ANOS1: variants seen among roughly 807,000 people sequenced by gnomAD.
The protein encoded by ANOS1 is anosmin-1.
A neutral mutation model predicts 59.0 loss-of-function variants in ANOS1; 6 were observed. That is an observed-to-expected ratio of 0.10 (90% CI 0.06 to 0.20). ANOS1 has a LOEUF of 0.20. Among genes scored for constraint, ANOS1 ranks in the 10% least tolerant of loss-of-function variants. The probability of loss-of-function intolerance (pLI) is 1.00; values close to 1 mark genes in which losing one functional copy is unlikely to be tolerated. For synonymous variants in ANOS1, 217 were observed against 223.4 expected (o/e 0.97, Z 0.25); for missense variants, 433 against 542.3 (o/e 0.80, Z 2.00).
At chrX:8,643,713 T>G (rs1435285137) in intron 2 of ANOS1, among the ~76,000 whole-genome samples, 1 of 111,918 alleles carries the variant, frequency 8.9e-6, no homozygotes, top group African/African-American at 3.2e-5. Flanking sequence ...TTAAAGGGTC[T>G]GAATAGGAAA....
At chrX:8,548,965 T>C (rs1842586261) in intron 9 of ANOS1, among the ~76,000 whole-genome samples, 1 of 111,891 alleles carries the variant, frequency 8.9e-6, no homozygotes, top group Non-Finnish European at 1.9e-5. Context: ...GAGGCTAGTT[T>C]ACCTCCGTCA....
At chrX:8,549,544 G>C (rs1929823678) in intron 9 of ANOS1, among the ~76,000 whole-genome samples, 1 of 112,385 alleles carries the variant, frequency 8.9e-6, no homozygotes. Context: ...AAAACATTGA[G>C]AGTCAGTCCT....
intron 6 of ANOS1, among the ~76,000 whole-genome samples, chrX:8,574,337 C>T (rs1435518896): frequency 9.2e-6 from 1 of 109,284 alleles, no homozygotes; most frequent in African/African-American, 3.3e-5. Flanking sequence ...ATGATTATGC[C>T]TTGCTTTATT....
At position 8,570,599 on chromosome X, in the gene ANOS1, G is replaced by A. The variant is rs1414831170; in HGVS notation, c.962C>T (p.Pro321Leu). The A allele has an allele frequency of 1.2e-5, 14 of 1,208,563 alleles. No individual in the cohort carries two copies. The highest frequency in any genetic ancestry group is 8.8e-5 in the South Asian group (5 of 56,649). ...VTIVWDLPEEPDIPVHHYKVF... is the reference protein window; with the variant it reads ...VTIVWDLPEELDIPVHHYKVF... The stretch of plus-strand genomic sequence containing the variant: ...CTTGTAATGATGCACAGGGATGTCC[G>A]GCTCCTCGGGGAGATCCCAAACTAT... The change falls in exon 7 of 14, where the codon CCG (proline) becomes CTG (leucine). Residue 321 changes from proline to leucine, a missense_variant. Transcript: ENST00000262648.
intron 2 of ANOS1, among the ~76,000 whole-genome samples, chrX:8,628,823 T>C (rs967416349): frequency 2.7e-5 from 3 of 112,441 alleles, no homozygotes; most frequent in South Asian, 3.6e-4. Context: ...GCTAATCGCA[T>C]ATGTCATCGT....
Position 8,671,001 on chromosome X carries a change from G to C in ANOS1, c.255+28697C>G, listed in dbSNP as rs142844697. On this transcript the variant is annotated intron_variant, in intron 2 of 13. Coordinates refer to ENST00000262648, the MANE Select transcript of ANOS1 (RefSeq NM_000216.4). ...CCCTGCCTTCACTGCAGCCTCACCTGAGTGAGCTACCCACCTCTTCTGTCT... is the reference window on the plus strand; with the variant it reads ...CCCTGCCTTCACTGCAGCCTCACCTCAGTGAGCTACCCACCTCTTCTGTCT... Among the ~76,000 whole-genome samples the C allele has an allele frequency of 3.3e-3, 371 of 111,145 alleles. 1 individual carries two copies. Among genetic ancestry groups the C allele is most frequent in the African/African-American group, 0.011 (340 of 30,561 alleles).
At chrX:8,699,061 A>C in intron 2 of ANOS1, among the ~76,000 whole-genome samples, 1 of 111,726 alleles carries the variant, frequency 9.0e-6, no homozygotes, top group Non-Finnish European at 1.9e-5. Context: ...ACTCATTTAC[A>C]TAACCTGATT....
chrX:8,670,635 T>C (rs1932239577), intron 2 of ANOS1, among the ~76,000 whole-genome samples: 3 of 111,710 alleles, frequency 2.7e-5, no homozygotes, highest in Non-Finnish European at 5.6e-5. Context: ...TAGATGGCCA[T>C]AAATACCATG....
chrX:8,710,314 T>C (rs1448623005), intron 1 of ANOS1, among the ~76,000 whole-genome samples: 1 of 112,028 alleles, frequency 8.9e-6, no homozygotes, highest in Non-Finnish European at 1.9e-5. Flanking sequence ...CAGAGCTCTC[T>C]GAGAACTTCT....
At chrX:8,588,435 G>C (rs1485713546) in intron 4 of ANOS1, among the ~76,000 whole-genome samples, 1 of 110,709 alleles carries the variant, frequency 9.0e-6, no homozygotes, top group Non-Finnish European at 1.9e-5. Context: ...ATTATAACAT[G>C]GTTTCCAGAT....
intron 2 of ANOS1, among the ~76,000 whole-genome samples, chrX:8,659,115 T>C (rs1207535421): frequency 1.1e-4 from 12 of 110,478 alleles, no homozygotes; most frequent in African/African-American, 4.0e-4. Flanking sequence ...TAATCCCAGC[T>C]ACTCAGGAGG....
intron 9 of ANOS1, among the ~76,000 whole-genome samples, chrX:8,541,446 C>CAA (rs770726780): frequency 0.12 from 10,998 of 90,887 alleles, 729 homozygotes; most frequent in Non-Finnish European, 0.16. Context: ...AAAAATAAAA[C>CAA]AAAAAAAAAA....
rs1284432731 is a variant in ANOS1 at position 8,539,726 on chromosome X, A to G, written c.1387T>C (p.Phe463Leu). ...PTVNRYHVRWFPEACAHNRTT... is the reference protein window; with the variant it reads ...PTVNRYHVRWLPEACAHNRTT... ...CTGTTGTGGGCACACGCTTCAGGAA[A>G]CCACCGCACATGATATCGGTTGACA... The change falls in exon 10 of 14, where the codon TTT (phenylalanine) becomes CTT (leucine). Residue 463 changes from phenylalanine to leucine, a missense_variant. Transcript: ENST00000262648. The G allele has an allele frequency of 5.8e-6, 7 of 1,211,186 alleles. No individual in the cohort carries two copies. Among genetic ancestry groups the G allele is most frequent in the Non-Finnish European group, 7.8e-6 (7 of 895,452 alleles).
chrX:8,720,237 A>T (rs912975321), intron 1 of ANOS1, among the ~76,000 whole-genome samples: 18 of 111,396 alleles, frequency 1.6e-4, no homozygotes, highest in Admixed American at 1.5e-3. Flanking sequence ...ATGCACAATG[A>T]CTCCACACAT....
At position 8,713,571 on chromosome X, in the gene ANOS1, C is replaced by T. The variant is rs111391672; in HGVS notation, c.208-13826G>A. Among the ~76,000 whole-genome samples, 7 of 111,132 alleles carry T rather than the reference C, an allele frequency of 6.3e-5. 1 individual carries two copies. The Middle Eastern group carries it at 0.014, about 218-fold the overall frequency. On this transcript the variant is annotated intron_variant, in intron 1 of 13. Transcript: ENST00000262648. The stretch of plus-strand genomic sequence containing the variant: ...TCTTCCTTTGCTTTATGTGACTTCA[C>T]GAAATACACTCCAAATGTCTCCTTT...
chrX:8,686,482 A>G (rs1271380227), intron 2 of ANOS1, among the ~76,000 whole-genome samples: 4 of 112,347 alleles, frequency 3.6e-5, no homozygotes, highest in Non-Finnish European at 7.5e-5. Context: ...TCCTAAATAC[A>G]TATGATCAAT....
At chrX:8,620,493 T>G (rs1004712379) in intron 3 of ANOS1, among the ~76,000 whole-genome samples, 1 of 111,855 alleles carries the variant, frequency 8.9e-6, no homozygotes, top group African/African-American at 3.3e-5. Flanking sequence ...CAATATGGAA[T>G]TCTGTGCATT....
chrX:8,660,515 C>G (rs1300297966), intron 2 of ANOS1, among the ~76,000 whole-genome samples: 1 of 111,536 alleles, frequency 9.0e-6, no homozygotes, highest in Non-Finnish European at 1.9e-5. Flanking sequence ...GGGCTCATAT[C>G]TGTCATCCCA....
At chrX:8,701,417 T>C (rs1182725693) in intron 1 of ANOS1, among the ~76,000 whole-genome samples, 11 of 112,507 alleles carry the variant, frequency 9.8e-5, no homozygotes, top group Non-Finnish European at 2.1e-4. Flanking sequence ...AATTCACTCA[T>C]TTAAATTGTA....
Sources: allele counts gnomAD v4.1 joint callset (sites outside exome capture counted in the v4.1 genomes callset), GRCh38; gene constraint gnomAD v4.1.1; transcripts MANE v1.5; gene names NCBI Gene and HGNC (gene_info 2026-07-23, HGNC 2026-07-21).